The following ERICH1 variants were observed in gnomAD, a reference collection of about 807,000 sequenced individuals.
ERICH1 encodes the protein glutamate-rich protein 1.
A neutral mutation model predicts 39.6 loss-of-function variants in ERICH1; 56 were observed. The observed-to-expected ratio is 1.41, with a 90% CI of 1.14 to 1.77. The LOEUF is 1.77. Among genes scored for constraint, ERICH1 ranks in the 40% most tolerant of loss-of-function variants. The pLI is 0.00. For synonymous variants in ERICH1, 313 were observed against 223.6 expected (o/e 1.40, Z -3.57); for missense variants, 826 against 575.4 (o/e 1.44, Z -4.45).
intron 2 of ERICH1, among the ~76,000 whole-genome samples, chr8:712,159 A>G (rs1814880591): frequency 6.6e-6 from 1 of 152,200 alleles, no homozygotes; most frequent in Admixed American, 6.5e-5. Flanking sequence ...AAACTTTAGA[A>G]TCAGTTTATC....
At chr8:727,785 T>C (rs943843775) in intron 1 of ERICH1, among the ~76,000 whole-genome samples, 1 of 152,118 alleles carries the variant, frequency 6.6e-6, no homozygotes. Context: ...GCTCTCTCCT[T>C]GACGCGAGCG....
At chr8:696,990 C>T (rs1810463978) in intron 2 of ERICH1, among the ~76,000 whole-genome samples, 1 of 152,142 alleles carries the variant, frequency 6.6e-6, no homozygotes, top group Admixed American at 6.5e-5. Context: ...CTCCTCTTAC[C>T]CTCCACTCCG....
At chr8:708,494 C>T (rs1245770506) in intron 2 of ERICH1, among the ~76,000 whole-genome samples, 5 of 152,052 alleles carry the variant, frequency 3.3e-5, no homozygotes, top group African/African-American at 4.8e-5. Flanking sequence ...CTGACCCATG[C>T]TACAACATGA....
chr8:726,349 C>T (rs893052286), intron 1 of ERICH1, among the ~76,000 whole-genome samples: 30 of 152,022 alleles, frequency 2.0e-4, no homozygotes, highest in African/African-American at 4.6e-4. Context: ...AACACACAGG[C>T]GCACATGCAT....
chr8:723,948 A>G (rs1469152882), intron 1 of ERICH1, among the ~76,000 whole-genome samples: 1 of 152,254 alleles, frequency 6.6e-6, no homozygotes, highest in African/African-American at 2.4e-5. Flanking sequence ...ATGTTAATTC[A>G]ATGAGTAGTA....
At chr8:687,022 A>C (rs958462332) in intron 3 of ERICH1, among the ~76,000 whole-genome samples, 1 of 152,246 alleles carries the variant, frequency 6.6e-6, no homozygotes, top group Non-Finnish European at 1.5e-5. Context: ...CCTTCAGGAA[A>C]GGCAAAAGGC....
intron 3 of ERICH1, among the ~76,000 whole-genome samples, chr8:638,708 C>T (rs1399060356): frequency 6.6e-6 from 1 of 152,210 alleles, no homozygotes; most frequent in African/African-American, 2.4e-5. Context: ...GCAATCACTC[C>T]TCCCACAGGA....
chr8:616,654 G>T (rs1796916498), intron 3 of ERICH1: 3 of 454,114 alleles, frequency 6.6e-6, no homozygotes, highest in South Asian at 3.1e-5. Flanking sequence ...GAGACAGACG[G>T]GGGCGCGGGG....
intron 3 of ERICH1, chr8:640,889 T>G (rs1220226667): frequency 6.6e-6 from 1 of 152,224 alleles, no homozygotes; most frequent in Non-Finnish European, 1.5e-5. Context: ...CTTAAAAATC[T>G]CAACTTTGTT....
rs557636667 is a variant in ERICH1 at position 695,200 on chromosome 8, T to C, written c.170-2588A>G. 2.6e-5 allele frequency among the ~76,000 whole-genome samples: 4 copies of C among 152,160 alleles called. No homozygotes were observed. In the East Asian group the frequency reaches 5.8e-4, roughly 22 times the overall value. On this transcript the variant is annotated intron_variant, in intron 2 of 5. Transcript: ENST00000262109. ...TATGGAGGGGCTCACAGCCAGCCCC[T>C]GGCCCACTTCAGGTGAGCACTGGGT...
intron 3 of ERICH1, among the ~76,000 whole-genome samples, chr8:631,381 C>T (rs1466958367): frequency 2.0e-5 from 3 of 152,188 alleles, no homozygotes; most frequent in Non-Finnish European, 4.4e-5. Context: ...GGAGGCTACT[C>T]AGAGAGAGGT....
chr8:705,864 C>T (rs930617461), intron 2 of ERICH1, among the ~76,000 whole-genome samples: 1 of 152,162 alleles, frequency 6.6e-6, no homozygotes, highest in Non-Finnish European at 1.5e-5. Context: ...GACGGTGGAG[C>T]CTTAAGATAA....
At chr8:651,868 G>A (rs1342349005) in intron 3 of ERICH1, among the ~76,000 whole-genome samples, 1 of 152,192 alleles carries the variant, frequency 6.6e-6, no homozygotes, top group African/African-American at 2.4e-5. Flanking sequence ...GTTCCCCCTT[G>A]CTTAAGAGAA....
At chr8:640,366 C>G (rs189239818) in intron 3 of ERICH1, among the ~76,000 whole-genome samples, 34 of 152,258 alleles carry the variant, frequency 2.2e-4, no homozygotes, top group African/African-American at 7.7e-4. Context: ...ATGTTTTTTT[C>G]TTGCTTGTGA....
intron 3 of ERICH1, among the ~76,000 whole-genome samples, chr8:682,628 A>G (rs182613180): frequency 6.2e-4 from 94 of 152,334 alleles, no homozygotes; most frequent in Non-Finnish European, 1.1e-3. Context: ...TGCGCTTTGA[A>G]AAGCTGCCAT....
intron 5 of ERICH1, among the ~76,000 whole-genome samples, chr8:665,322 G>C (rs11991575): frequency 0.014 from 2,188 of 152,288 alleles, 58 homozygotes; most frequent in African/African-American, 0.049. Flanking sequence ...CGCCGGCCCT[G>C]GCTCTAACGT....
Position 673,978 on chromosome 8 carries a change from T to A in ERICH1, c.374A>T (p.Asn125Ile). Reference sequence around the variant, plus strand: ...TTGTTCTATAAGAACATTATTGGGATTTTTAAATTTTTTCTTTGATTTATG... The same window carrying A: ...TTGTTCTATAAGAACATTATTGGGAATTTTAAATTTTTTCTTTGATTTATG... ...RKHKSKKKFK[N>I]PNNVLIEQAE... is the part of the protein sequence containing the mutation. The change falls in exon 4 of 6, where the codon AAT (asparagine) becomes ATT (isoleucine). Residue 125 changes from asparagine (N) to isoleucine (I), a missense_variant. Coordinates refer to ENST00000262109, the MANE Select transcript of ERICH1 (RefSeq NM_207332.3). 3 of 1,590,110 alleles carry A rather than the reference T, an allele frequency of 1.9e-6. No individual in the cohort carries two copies. The highest frequency in any genetic ancestry group is 2.6e-6 in the Non-Finnish European group (3 of 1,175,196).
chr8:640,862 T>G (rs981560306), intron 3 of ERICH1: 9 of 152,232 alleles, frequency 5.9e-5, no homozygotes, highest in African/African-American at 1.9e-4. Flanking sequence ...TTGAAAATAT[T>G]AGAAATTGTT....
intron 3 of ERICH1, chr8:615,972 T>C (rs994253027): frequency 1.3e-5 from 2 of 152,718 alleles, no homozygotes; most frequent in African/African-American, 4.8e-5. Flanking sequence ...CCAGATGATG[T>C]AGATTGCCTT....
Sources: allele counts gnomAD v4.1 joint callset (sites outside exome capture counted in the v4.1 genomes callset), GRCh38; gene constraint gnomAD v4.1.1; transcripts MANE v1.5; gene names NCBI Gene and HGNC (gene_info 2026-07-23, HGNC 2026-07-21).